LRP1B: variants seen among roughly 807,000 people sequenced by gnomAD.
LRP1B encodes LDL receptor related protein 1B.
A neutral mutation model predicts 556.6 loss-of-function variants in LRP1B; 217 were observed. The observed-to-expected ratio is 0.39, with a 90% CI of 0.35 to 0.44. The LOEUF (loss-of-function observed/expected upper bound fraction) is 0.44. Among genes scored for constraint, LRP1B ranks in the 20% least tolerant of loss-of-function variants. The probability of loss-of-function intolerance (pLI) is 1.00; values close to 1 mark genes in which losing one functional copy is unlikely to be tolerated. For missense variants in LRP1B, 5,053 were observed against 5,620.8 expected (o/e 0.90, Z 3.23); for synonymous variants, 2,047 against 1,865.8 (o/e 1.10, Z -2.50).
chr2:140,366,925 A>T (rs2105157236), intron 71 of LRP1B, among the ~76,000 whole-genome samples: 1 of 151,854 alleles, frequency 6.6e-6, no homozygotes, highest in African/African-American at 2.4e-5. Context: ...ATTTGAGGGT[A>T]CAGGAGAGCA....
chr2:142,067,301 CT>C (rs1401610773), intron 1 of LRP1B, among the ~76,000 whole-genome samples: 2 of 151,306 alleles, frequency 1.3e-5, no homozygotes, highest in African/African-American at 2.4e-5. Flanking sequence ...ACCCAGATAT[CT>C]TTGAGGGGCA....
intron 43 of LRP1B, among the ~76,000 whole-genome samples, chr2:140,579,990 A>G (rs548380441): frequency 9.8e-5 from 15 of 152,314 alleles, no homozygotes; most frequent in African/African-American, 3.4e-4. Flanking sequence ...GAGAAAATCC[A>G]TTGTTCTCTA....
At chr2:141,307,712 G>A (rs143053765) in intron 3 of LRP1B, among the ~76,000 whole-genome samples, 46 of 152,252 alleles carry the variant, frequency 3.0e-4, no homozygotes, top group African/African-American at 1.1e-3. Context: ...TGATGACAGT[G>A]GTGGGCTGAG....
In LRP1B at chr2:140,939,989, G is replaced by T. The variant is rs1376305350; in HGVS notation, c.3136+10246C>A. Reference sequence around the variant, plus strand: ...CAACCTCCACCTCCCAGGTTCAAACGATTCTCATGCCTCAGCCTCCAGAGT... The same window carrying T: ...CAACCTCCACCTCCCAGGTTCAAACTATTCTCATGCCTCAGCCTCCAGAGT... On this transcript the variant is annotated intron_variant, in intron 20 of 90. Coordinates refer to ENST00000389484, the MANE Select transcript of LRP1B (RefSeq NM_018557.3). 1.3e-5 allele frequency among the ~76,000 whole-genome samples: 2 copies of T among 148,776 alleles called. 1 individual carries two copies. The highest frequency in any genetic ancestry group is 5.0e-5 in the African/African-American group (2 of 40,352).
At chr2:141,629,407 G>A (rs932387321) in intron 2 of LRP1B, among the ~76,000 whole-genome samples, 2 of 152,224 alleles carry the variant, frequency 1.3e-5, no homozygotes, top group East Asian at 1.9e-4. Context: ...TTTATAACAC[G>A]TCAAATGAGC....
At chr2:140,685,621 T>C (rs1686019516) in intron 41 of LRP1B, among the ~76,000 whole-genome samples, 2 of 152,164 alleles carry the variant, frequency 1.3e-5, no homozygotes, top group Admixed American at 1.3e-4. Flanking sequence ...GACGAACAGT[T>C]CTGTTCAACC....
chr2:141,909,525 C>CAT (rs1699850332), intron 1 of LRP1B, among the ~76,000 whole-genome samples: 1 of 118,130 alleles, frequency 8.5e-6, no homozygotes, highest in Non-Finnish European at 1.7e-5. Flanking sequence ...AGGTCTCAGA[C>CAT]ATTTTTTTTT....
At chr2:141,734,652 A>G (rs575878763) in intron 2 of LRP1B, among the ~76,000 whole-genome samples, 3 of 152,158 alleles carry the variant, frequency 2.0e-5, no homozygotes, top group African/African-American at 7.2e-5. Context: ...CAGTTCTCCT[A>G]TTTTTTAAAA....
intron 1 of LRP1B, among the ~76,000 whole-genome samples, chr2:141,900,905 A>G (rs774426506): frequency 2.7e-4 from 41 of 152,118 alleles, no homozygotes; most frequent in Admixed American, 3.9e-4. Context: ...TCCAAAAACT[A>G]TTCCTTAAGG....
chr2:141,758,570 T>G (rs1694407076), intron 2 of LRP1B, among the ~76,000 whole-genome samples: 1 of 152,036 alleles, frequency 6.6e-6, no homozygotes, highest in African/African-American at 2.4e-5. Flanking sequence ...AAACAAAATC[T>G]TGAACAAAAC....
At chr2:140,954,243 A>G (rs1695807323) in intron 18 of LRP1B, among the ~76,000 whole-genome samples, 1 of 152,166 alleles carries the variant, frequency 6.6e-6, no homozygotes, top group African/African-American at 2.4e-5. Flanking sequence ...ATAGATAATA[A>G]CTGTTTAGTG....
chr2:141,463,572 T>G (rs1482615316), intron 3 of LRP1B, among the ~76,000 whole-genome samples: 1 of 92,462 alleles, frequency 1.1e-5, no homozygotes, highest in African/African-American at 5.3e-5. Flanking sequence ...ATATTATATA[T>G]TATATATAAT....
intron 1 of LRP1B, among the ~76,000 whole-genome samples, chr2:142,016,732 C>T (rs965193519): frequency 9.2e-5 from 14 of 151,672 alleles, no homozygotes; most frequent in Non-Finnish European, 1.5e-4. Flanking sequence ...ATGTAGATGA[C>T]GTAGTGATGG....
chr2:141,472,348 C>A lies in LRP1B; in HGVS notation c.343+8048G>T, dbSNP rs958510578. Among the ~76,000 whole-genome samples, 6 of 152,204 alleles carry A rather than the reference C, an allele frequency of 3.9e-5. No homozygotes were observed. In the South Asian group the frequency reaches 1.2e-3, roughly 32 times the overall value. On this transcript the variant is annotated intron_variant, in intron 3 of 90. Transcript: ENST00000389484. ...ATCACCTGAGGTCAGGAGTTCGAGA[C>A]CAGCCTGACAGTGAAATCCCGTCTG... is the stretch of plus-strand genomic sequence containing the variant.
In LRP1B at chr2:141,035,246, A is replaced by C. The variant is rs572753069; in HGVS notation, c.1789+13740T>G. ...GGGAGGGATAGCATTAGGAGATATAACTAATGCTAAATGACGAGTTAATGG... is the reference window on the plus strand; with the variant it reads ...GGGAGGGATAGCATTAGGAGATATACCTAATGCTAAATGACGAGTTAATGG... On this transcript the variant is annotated intron_variant, in intron 11 of 90. Coordinates refer to ENST00000389484, the MANE Select transcript of LRP1B (RefSeq NM_018557.3). Among the ~76,000 whole-genome samples the C allele has an allele frequency of 9.7e-3, 1,479 of 151,910 alleles. 26 individuals are homozygous for C. Among genetic ancestry groups the C allele is most frequent in the African/African-American group, 0.032 (1,345 of 41,386 alleles).
intron 2 of LRP1B, among the ~76,000 whole-genome samples, chr2:141,701,299 G>A (rs1691930986): frequency 6.6e-6 from 1 of 151,800 alleles, no homozygotes; most frequent in Non-Finnish European, 1.5e-5. Context: ...ACTGATCCCT[G>A]AACACATCAC....
At chr2:141,439,116 T>A (rs1486521265) in intron 3 of LRP1B, among the ~76,000 whole-genome samples, 2 of 152,172 alleles carry the variant, frequency 1.3e-5, no homozygotes, top group African/African-American at 4.8e-5. Context: ...AACTTAATGT[T>A]TAAAAATGTT....
intron 7 of LRP1B, among the ~76,000 whole-genome samples, chr2:141,095,731 C>G (rs1700281437): frequency 6.6e-6 from 1 of 152,060 alleles, no homozygotes; most frequent in Non-Finnish European, 1.5e-5. Context: ...CACCTGTTCT[C>G]AACATGAATG....
At chr2:140,663,705 C>G in intron 41 of LRP1B, among the ~76,000 whole-genome samples, 1 of 152,122 alleles carries the variant, frequency 6.6e-6, no homozygotes, top group East Asian at 1.9e-4. Context: ...ACTGTATTTT[C>G]TTATCATTCG....
Sources: gnomAD v4.1 joint callset for allele counts (sites outside exome capture counted in the v4.1 genomes callset) on GRCh38, gnomAD v4.1.1 for gene constraint, MANE v1.5 for transcripts, NCBI Gene and HGNC (gene_info 2026-07-23, HGNC 2026-07-21) for gene names.